The following CSMD3 variants were observed in gnomAD, a reference collection of about 807,000 sequenced individuals.
CSMD3 encodes CUB and Sushi multiple domains 3.
Under a neutral mutation model 435.2 loss-of-function variants are expected in CSMD3, and 177 were observed. The ratio of observed to expected loss-of-function variants is 0.41; its 90% CI spans 0.36 to 0.46. The LOEUF is 0.46. Ranked by LOEUF, CSMD3 falls within the 20% of genes least tolerant of loss-of-function variation. The pLI is 0.34. For synonymous variants in CSMD3, 1,656 were observed against 1,520.5 expected, an observed-to-expected ratio of 1.09 and a Z score of -2.07; for missense variants, 4,265 against 4,504.6, an observed-to-expected ratio of 0.95 and a Z score of 1.52.
At chr8:113,043,689 T>C (rs2087717638) in intron 5 of CSMD3, among the ~76,000 whole-genome samples, 2 of 152,104 alleles carry the variant, frequency 1.3e-5, no homozygotes, top group African/African-American at 4.8e-5. Context: ...ATAGTGAAAG[T>C]CTGAACCCAT....
chr8:112,487,992 T>C (rs1000969082), intron 31 of CSMD3, among the ~76,000 whole-genome samples: 1 of 152,170 alleles, frequency 6.6e-6, no homozygotes, highest in African/African-American at 2.4e-5. Context: ...ATTTTTTTAA[T>C]CACAAAAGGA....
intron 3 of CSMD3, among the ~76,000 whole-genome samples, chr8:113,217,983 C>T (rs1217975953): frequency 6.6e-6 from 1 of 150,804 alleles, no homozygotes. Flanking sequence ...CATTCATAAA[C>T]GTATAATAAT....
intron 7 of CSMD3, among the ~76,000 whole-genome samples, chr8:112,960,408 A>G (rs1372923938): frequency 6.6e-6 from 1 of 151,782 alleles, no homozygotes; most frequent in Non-Finnish European, 1.5e-5. Flanking sequence ...ATCTTCTGAG[A>G]AAACAATACA....
At chr8:112,366,542 T>C (rs964905889) in intron 38 of CSMD3, among the ~76,000 whole-genome samples, 3 of 152,102 alleles carry the variant, frequency 2.0e-5, no homozygotes, top group Admixed American at 1.3e-4. Context: ...GGATTACAAG[T>C]GCATGACAGT....
At chr8:112,661,895 C>T (rs902157286) in intron 17 of CSMD3, among the ~76,000 whole-genome samples, 1 of 151,820 alleles carries the variant, frequency 6.6e-6, no homozygotes, top group Admixed American at 6.6e-5. Flanking sequence ...CCCAGAAAAA[C>T]AAATAATTAA....
chr8:112,461,962 AC>A (rs1817493030), intron 32 of CSMD3, among the ~76,000 whole-genome samples: 1 of 152,140 alleles, frequency 6.6e-6, no homozygotes. Flanking sequence ...AGTAGATTTC[AC>A]CTATTTTTTA....
intron 22 of CSMD3, among the ~76,000 whole-genome samples, chr8:112,616,634 TCAGA>T (rs1285207432): frequency 6.6e-6 from 1 of 152,088 alleles, no homozygotes; most frequent in African/African-American, 2.4e-5. Context: ...ACACATGGAT[TCAGA>T]CAGTTTATTA....
rs111535460 is a variant in CSMD3 at position 113,283,146 on chromosome 8, C to T, written c.402-4442G>A. 8.3e-3 allele frequency among the ~76,000 whole-genome samples: 1,267 copies of T among 151,894 alleles called. 25 individuals carry two copies. Among genetic ancestry groups the T allele is most frequent in the African/African-American group, 0.029 (1,185 of 41,480 alleles). On this transcript the variant is annotated intron_variant, in intron 2 of 70. Transcript: ENST00000297405. ...TATAAAAATTCTAGAAGATAACATT[C>T]GAAAAACTCTTGCAGACATTGGCTT...
At chr8:113,041,244 T>C (rs546187165) in intron 5 of CSMD3, among the ~76,000 whole-genome samples, 1 of 148,582 alleles carries the variant, frequency 6.7e-6, no homozygotes, top group African/African-American at 2.5e-5. Context: ...AAGGGAAGTT[T>C]TGAGAAATTT....
At chr8:112,910,015 C>T (rs971728952) in intron 10 of CSMD3, among the ~76,000 whole-genome samples, 3 of 151,664 alleles carry the variant, frequency 2.0e-5, no homozygotes, top group Non-Finnish European at 2.9e-5. Context: ...GAGTACGTTA[C>T]GGTTCATGAA....
chr8:112,465,830 C>T (rs536621658), intron 32 of CSMD3, among the ~76,000 whole-genome samples: 15 of 152,014 alleles, frequency 9.9e-5, no homozygotes, highest in Non-Finnish European at 2.2e-4. Context: ...CAAAAATTAG[C>T]TGGATGTGGT....
chr8:113,111,973 G>A lies in CSMD3; in HGVS notation c.710-13010C>T, dbSNP rs1428086868. Among the ~76,000 whole-genome samples the A allele has an allele frequency of 3.3e-5, 5 of 152,070 alleles. No homozygotes were observed. The South Asian group carries it at 6.2e-4, about 19-fold the overall frequency. ...TGGGATTACAGGCAGGAGCCACTGC[G>A]CCTGGCTGTGTTGCTCTTTTTAAAG... On this transcript the variant is annotated intron_variant, in intron 4 of 70. Transcript: ENST00000297405.
intron 6 of CSMD3, among the ~76,000 whole-genome samples, chr8:112,980,044 T>C (rs1417560982): frequency 6.6e-6 from 1 of 150,888 alleles, no homozygotes; most frequent in East Asian, 2.0e-4. Context: ...TTAATAGTAA[T>C]AGTACAATGT....
intron 45 of CSMD3, among the ~76,000 whole-genome samples, chr8:112,328,712 T>A (rs1050086461): frequency 3.3e-5 from 5 of 152,112 alleles, no homozygotes; most frequent in African/African-American, 1.2e-4. Context: ...GTTTCCCCGA[T>A]ACTGTTCTCA....
At chr8:113,336,940 A>T (rs1052715512) in intron 1 of CSMD3, among the ~76,000 whole-genome samples, 1 of 152,050 alleles carries the variant, frequency 6.6e-6, no homozygotes, top group Non-Finnish European at 1.5e-5. Flanking sequence ...CCAGCTCCCC[A>T]CTTAGTCTTT....
intron 4 of CSMD3, among the ~76,000 whole-genome samples, chr8:113,145,041 G>A (rs892474229): frequency 2.6e-5 from 4 of 151,308 alleles, no homozygotes; most frequent in Non-Finnish European, 5.9e-5. Flanking sequence ...CAAATGTCTG[G>A]GGAAGGATTT....
At chr8:112,610,968 A>G (rs543757983) in intron 22 of CSMD3, among the ~76,000 whole-genome samples, 1 of 152,216 alleles carries the variant, frequency 6.6e-6, no homozygotes, top group Non-Finnish European at 1.5e-5. Context: ...AAAGTACTCA[A>G]TAATTATATA....
At chr8:112,835,681 C>A (rs1350372949) in intron 11 of CSMD3, among the ~76,000 whole-genome samples, 1 of 151,768 alleles carries the variant, frequency 6.6e-6, no homozygotes, top group Admixed American at 6.6e-5. Flanking sequence ...TGAATTCTGG[C>A]AAAGAGTGTC....
At chr8:113,015,595 T>C (rs2086425034) in intron 6 of CSMD3, among the ~76,000 whole-genome samples, 1 of 151,890 alleles carries the variant, frequency 6.6e-6, no homozygotes, top group South Asian at 2.1e-4. Flanking sequence ...TGAATGCCTA[T>C]AGCTATGGTA....
Sources: gnomAD v4.1 joint callset for allele counts (sites outside exome capture counted in the v4.1 genomes callset) on GRCh38, gnomAD v4.1.1 for gene constraint, MANE v1.5 for transcripts, NCBI Gene and HGNC (gene_info 2026-07-23, HGNC 2026-07-21) for gene names.